Variants in NOD1 observed in about 807,000 individuals in gnomAD.
The protein encoded by NOD1 is nucleotide-binding oligomerization domain-containing protein 1.
NOD1 carries 70 observed loss-of-function variants against 81.2 expected under a neutral mutation model. The observed-to-expected ratio is 0.86, with a 90% CI of 0.71 to 1.05. The LOEUF is 1.05. Ranked by LOEUF, NOD1 falls within the 50% of genes least tolerant of loss-of-function variation. NOD1 has a pLI of 0.00. For synonymous variants in NOD1, 508 were observed against 526.9 expected, an observed-to-expected ratio of 0.96 and a Z score of 0.49; for missense variants, 1,233 against 1,228.0, an observed-to-expected ratio of 1.00 and a Z score of -0.06.
At chr7:30,449,479 C>T (rs1562676916) in intron 6 of NOD1, among the ~76,000 whole-genome samples, 1 of 152,136 alleles carries the variant, frequency 6.6e-6, no homozygotes, top group Non-Finnish European at 1.5e-5. Flanking sequence ...GAGGCATGCT[C>T]TCAATCTTTG....
At position 30,424,865 on chromosome 7, in the gene NOD1, G is replaced by A. The variant is rs540873034; in HGVS notation, c.*773C>T. ...CCAAGGCCAGACACTGTAGCCCATG[G>A]TACTCAGCCTTCTAGAGGAGGGTAG... On this transcript the variant is annotated 3_prime_UTR_variant, in exon 14 of 14. Coordinates refer to ENST00000222823, the MANE Select transcript of NOD1 (RefSeq NM_006092.4). The A allele has an allele frequency of 6.6e-6, 1 of 152,424 alleles. No homozygotes were observed. Among genetic ancestry groups the A allele is most frequent in the Non-Finnish European group, 1.5e-5 (1 of 68,102 alleles). 9.4% of individuals were successfully genotyped at this position (152,424 alleles called of 1,614,324 possible).
intron 1 of NOD1, among the ~76,000 whole-genome samples, chr7:30,462,897 C>A (rs1161374402): frequency 2.8e-5 from 4 of 145,274 alleles, no homozygotes; most frequent in African/African-American, 7.8e-5. Context: ...TGCAGCGAGC[C>A]AAGATCGTAC....
chr7:30,447,356 C>A, intron 7 of NOD1: 2 of 409,778 alleles, frequency 4.9e-6, no homozygotes, highest in Non-Finnish European at 9.3e-6. Flanking sequence ...TAGGACATAA[C>A]GCAAAGCCCT....
intron 1 of NOD1, among the ~76,000 whole-genome samples, chr7:30,470,463 T>G (rs377073037): frequency 5.3e-5 from 8 of 152,338 alleles, no homozygotes; most frequent in African/African-American, 1.7e-4. Flanking sequence ...CCGGGTGCAC[T>G]GCGTATAGCA....
At chr7:30,459,749 A>T (rs987517577) in intron 2 of NOD1, among the ~76,000 whole-genome samples, 152 bp downstream of exon 2, 7 of 152,200 alleles carry the variant, frequency 4.6e-5, no homozygotes, top group African/African-American at 1.7e-4. Context: ...CTGAGAGAAA[A>T]CTGGAAAGAA....
chr7:30,434,454 A>G (rs1784221372), intron 11 of NOD1, among the ~76,000 whole-genome samples: 1 of 152,198 alleles, frequency 6.6e-6, no homozygotes, highest in South Asian at 2.1e-4. Context: ...CCCTACCATA[A>G]TAAAGAATCA....
rs1562694685 is a variant in NOD1 at position 30,455,329 on chromosome 7, A to T, written c.202-18T>A. 1 of 1,607,524 alleles carries T rather than the reference A, an allele frequency of 6.2e-7. No individual in the cohort carries two copies. Among genetic ancestry groups the T allele is most frequent in the Middle Eastern group, 1.7e-4 (1 of 5,998 alleles). On this transcript the variant is annotated intron_variant, in intron 4 of 13. Transcript: ENST00000222823. ...TTGCGGACCTGGAGGTGACACAAGCATGAGGGCACGGGCTGGCATGAGGGG... is the reference window on the plus strand; with the variant it reads ...TTGCGGACCTGGAGGTGACACAAGCTTGAGGGCACGGGCTGGCATGAGGGG...
In NOD1 at chr7:30,455,283, C is replaced by T. The variant is rs1172651319; in HGVS notation, c.230G>A (p.Ser77Asn). 1 of 1,614,094 alleles carries T rather than the reference C, an allele frequency of 6.2e-7. No individual in the cohort carries two copies. The highest frequency in any genetic ancestry group is 8.5e-7 in the Non-Finnish European group (1 of 1,180,004). ...GAACTCGGACACCTCCTCGCCCTTG[C>T]TCTGTACCAGGTCCAGAATTTTGCG... ...KVRKILDLVQ[S>N]KGEEVSEFFL... Residue 77 changes from serine to asparagine, a missense_variant, in exon 5 of 14, where the codon AGC becomes AAC. Transcript: ENST00000222823.
rs1222180862 is a variant in NOD1, at chr7:30,478,170, C to T, written c.-352+436G>A. Reference sequence around the variant, plus strand: ...TGCAGGCGGGACTCCATGAAGGCCCCTGTCTGCCCTTCCAGCCTTTGCCAC... The same window carrying T: ...TGCAGGCGGGACTCCATGAAGGCCCTTGTCTGCCCTTCCAGCCTTTGCCAC... On this transcript the variant is annotated intron_variant, in intron 1 of 13. Coordinates refer to ENST00000222823, the MANE Select transcript of NOD1 (RefSeq NM_006092.4). The surrounding 1 kb of genome is among the most constrained non-coding windows in gnomAD (Gnocchi z 4.1). Among the ~76,000 whole-genome samples, 1 of 152,170 alleles carries T rather than the reference C, an allele frequency of 6.6e-6. No individual in the cohort carries two copies. The highest frequency in any genetic ancestry group is 2.4e-5 in the African/African-American group (1 of 41,442).
chr7:30,460,832 T>C (rs1786978748), intron 1 of NOD1, among the ~76,000 whole-genome samples: 1 of 152,166 alleles, frequency 6.6e-6, no homozygotes, highest in Admixed American at 6.5e-5. Flanking sequence ...CCAGGGGCAA[T>C]TCACCACTCC....
chr7:30,436,482 T>A (rs977163232), intron 10 of NOD1, among the ~76,000 whole-genome samples: 1 of 152,236 alleles, frequency 6.6e-6, no homozygotes, highest in Admixed American at 6.5e-5. Context: ...CTTGGACTCT[T>A]TTTCAGTGGT....
chr7:30,453,201 A>G (rs1368032656), intron 5 of NOD1, among the ~76,000 whole-genome samples, 161 bp from the exon 6 acceptor site: 2 of 152,094 alleles, frequency 1.3e-5, no homozygotes, highest in African/African-American at 4.8e-5. Flanking sequence ...GGACCTGGGG[A>G]GCGTCACAGA....
chr7:30,437,503 C>T (rs1784482200), intron 10 of NOD1, 70 bp downstream of exon 10: 4 of 1,013,262 alleles, frequency 3.9e-6, no homozygotes, highest in Non-Finnish European at 5.6e-6. Context: ...ACGAATCACC[C>T]TTCCCCAGCA....
chr7:30,437,759 C>G (rs935763918), intron 9 of NOD1, 103 bp from the exon 10 acceptor site: 4 of 742,920 alleles, frequency 5.4e-6, no homozygotes, highest in Non-Finnish European at 8.5e-6. Flanking sequence ...ACTCAACAGG[C>G]AGATGTTTGT....
intron 6 of NOD1, among the ~76,000 whole-genome samples, chr7:30,450,022 G>A (rs776973422): frequency 1.6e-4 from 24 of 152,292 alleles, no homozygotes; most frequent in Admixed American, 7.8e-4. Context: ...GGGAAACCCC[G>A]TCCTACTAAA....
chr7:30,433,341 C>T, intron 11 of NOD1, 162 bp from the exon 12 acceptor site: 1 of 606,216 alleles, frequency 1.6e-6, no homozygotes, highest in Non-Finnish European at 2.9e-6. Flanking sequence ...GCCTGTCAGC[C>T]CCACAGAAGG....
At chr7:30,463,336 A>G (rs1787352165) in intron 1 of NOD1, among the ~76,000 whole-genome samples, 1 of 152,232 alleles carries the variant, frequency 6.6e-6, no homozygotes, top group Non-Finnish European at 1.5e-5. Flanking sequence ...TTGCTACCGT[A>G]TCTGCACTAA....
chr7:30,430,446 C>CTGTT (rs1185219774), intron 12 of NOD1, among the ~76,000 whole-genome samples: 1 of 152,162 alleles, frequency 6.6e-6, no homozygotes, highest in East Asian at 1.9e-4. Flanking sequence ...CTGCTCCTGG[C>CTGTT]TGTTTGTAGA....
In NOD1 at chr7:30,448,176, C is replaced by A. The variant is rs1785308529; in HGVS notation, c.2285+122G>T. On this transcript the variant is annotated intron_variant, in intron 7 of 13. Coordinates refer to ENST00000222823, the MANE Select transcript of NOD1 (RefSeq NM_006092.4). ...AACCCAGGACTCTCAACTCCTGGGC[C>A]AGCGCTCTTCCCAGCCCTGGGCCAT... 2.8e-5 allele frequency: 22 copies of A among 794,534 alleles called. No individual in the cohort carries two copies. In the South Asian group the frequency reaches 3.3e-4, roughly 12 times the overall value. The allele number at this position is 794,534 out of a possible 1,614,324, so 49.2% of individuals were successfully genotyped here.
Sources: gnomAD v4.1 joint callset for allele counts (sites outside exome capture counted in the v4.1 genomes callset) on GRCh38, gnomAD v4.1.1 for gene constraint, Gnocchi (gnomAD v3.1) non-coding constraint, MANE v1.5 for transcripts, NCBI Gene and HGNC (gene_info 2026-07-23, HGNC 2026-07-21) for gene names.